Variants in TXNL4A observed in about 807,000 individuals in gnomAD.
TXNL4A encodes thioredoxin-like protein 4A.
TXNL4A carries 17 observed loss-of-function variants against 14.6 expected under a neutral mutation model. That is an observed-to-expected ratio of 1.16 (90% CI 0.80 to 1.74). The LOEUF is 1.74. TXNL4A is among the 40% of genes most tolerant of loss of function. The pLI is 0.00. For missense variants in TXNL4A, 74 were observed against 195.2 expected (o/e 0.38, Z 3.70); for synonymous variants, 83 against 70.6 (o/e 1.18, Z -0.88).
At chr18:79,988,572 A>T (rs898096655), upstream of TXNL4A, 9 of 554,458 alleles carry the variant, frequency 1.6e-5, no homozygotes, top group African/African-American at 4.0e-5. Context: ...CTGGGCGCGC[A>T]CGCACCGACG....
At chr18:79,973,983 C>A (rs544434970) in intron 2 of TXNL4A, 127 bp from the exon 3 acceptor site, 2 of 1,289,124 alleles carry the variant, frequency 1.6e-6, no homozygotes, top group Non-Finnish European at 2.1e-6. Context: ...CGCATAAAAT[C>A]GAGAGTGTAT....
chr18:80,017,133 G>A (rs1257335992), intron 1 of TXNL4A, among the ~76,000 whole-genome samples: 1 of 149,484 alleles, frequency 6.7e-6, no homozygotes, highest in Non-Finnish European at 1.5e-5. Flanking sequence ...AATTGTGAAT[G>A]GGAGTTCACT....
upstream of TXNL4A, among the ~76,000 whole-genome samples, chr18:79,993,058 G>A (rs1049036456): frequency 5.3e-5 from 8 of 151,910 alleles, no homozygotes; most frequent in African/African-American, 1.9e-4. The surrounding 1 kb of genome is among the most constrained non-coding windows in gnomAD (Gnocchi z 4.4). Context: ...TCCCAGGCAC[G>A]AGTCCTTATC....
At chr18:79,981,784 G>A (rs1372138812) in intron 1 of TXNL4A, among the ~76,000 whole-genome samples, 2 of 152,222 alleles carry the variant, frequency 1.3e-5, no homozygotes, top group African/African-American at 4.8e-5. Flanking sequence ...CTAACCCGGA[G>A]AATTCTAACA....
chr18:80,030,609 C>G (rs2051914515), intron 1 of TXNL4A: 1 of 152,202 alleles, frequency 6.6e-6, no homozygotes, highest in South Asian at 2.1e-4. Flanking sequence ...TATTACATCA[C>G]AGAAACAGTT....
intron 1 of TXNL4A, among the ~76,000 whole-genome samples, chr18:80,002,618 G>T (rs1245775167): frequency 6.6e-6 from 1 of 152,204 alleles, no homozygotes; most frequent in Non-Finnish European, 1.5e-5. Context: ...GAGGCTGGGT[G>T]TATGGCAGCT....
In TXNL4A at chr18:79,973,930, A is replaced by AT. The variant is rs555288210; in HGVS notation, c.258-75dup. The AT allele has an allele frequency of 2.6e-6, 4 of 1,567,564 alleles. No individual in the cohort carries two copies. The African/African-American group carries it at 5.4e-5, about 21-fold the overall frequency. The stretch of plus-strand genomic sequence containing the variant: ...AAGAATTCCTTGAAAACAATGCCGT[A>AT]TTTTTCCCACTGTGACAAGCTCTTG... On this transcript the variant is annotated intron_variant, in intron 2 of 2. Coordinates refer to ENST00000269601, the MANE Select transcript of TXNL4A (RefSeq NM_006701.5).
At chr18:79,978,709 G>C (rs1415450635) in intron 1 of TXNL4A, among the ~76,000 whole-genome samples, 44 of 152,240 alleles carry the variant, frequency 2.9e-4, no homozygotes. Context: ...GCCCAGGCTA[G>C]TCTTGAACTC....
chr18:79,977,576 T>C, intron 2 of TXNL4A, 22 bp downstream of exon 2: 1 of 1,517,798 alleles, frequency 6.6e-7, no homozygotes. Context: ...TCAATTTCAG[T>C]AACAACTTTA....
At chr18:80,008,977 C>T (rs2051751380) in intron 1 of TXNL4A, among the ~76,000 whole-genome samples, 2 of 151,820 alleles carry the variant, frequency 1.3e-5, no homozygotes, top group South Asian at 4.2e-4. Context: ...AAGGTGTCAC[C>T]ATATTGGCCA....
chr18:79,987,112 T>C (rs2051562642), intron 1 of TXNL4A, among the ~76,000 whole-genome samples: 1 of 152,196 alleles, frequency 6.6e-6, no homozygotes, highest in African/African-American at 2.4e-5. Flanking sequence ...CGCATCAGAA[T>C]TCCCTGAGGG....
chr18:80,033,157 T>C (rs1482241059), intron 1 of TXNL4A, among the ~76,000 whole-genome samples: 6 of 152,182 alleles, frequency 3.9e-5, no homozygotes, highest in African/African-American at 9.7e-5. Flanking sequence ...TTTTCTTCGA[T>C]TGACAATATA....
upstream of TXNL4A, among the ~76,000 whole-genome samples, chr18:79,989,015 CAG>C (rs1469358552): frequency 6.6e-6 from 1 of 152,238 alleles, no homozygotes; most frequent in Non-Finnish European, 1.5e-5. Flanking sequence ...CCAACCACAG[CAG>C]AGTCGAGCAG....
intron 1 of TXNL4A, among the ~76,000 whole-genome samples, chr18:79,985,505 G>A (rs769600955): frequency 6.6e-6 from 1 of 152,148 alleles, no homozygotes; most frequent in African/African-American, 2.4e-5. Flanking sequence ...CACCCACCTC[G>A]GCCTCCCAAA....
chr18:79,973,754 G>A lies in TXNL4A; in HGVS notation c.360C>T (p.Tyr120=). The A allele has an allele frequency of 6.2e-7, 1 of 1,614,182 alleles. No individual in the cohort carries two copies. Among genetic ancestry groups the A allele is most frequent in the Non-Finnish European group, 8.5e-7 (1 of 1,180,044 alleles). Residue 120 remains tyrosine (Y), a synonymous_variant, in exon 3 of 3, where the codon TAC becomes TAT. Transcript: ENST00000269601. ...QEMVDIIETV[Y]RGARKGRGLV... ...GGCCGCGGCCTTTGCGGGCCCCGCG[G>A]TACACCGTCTCGATGATGTCCACCA...
intron 1 of TXNL4A, among the ~76,000 whole-genome samples, chr18:80,017,236 TGCTTATCA>T (rs1344290849): frequency 6.6e-6 from 1 of 152,232 alleles, no homozygotes; most frequent in East Asian, 1.9e-4. Context: ...TTGCCAAAGT[TGCTTATCA>T]GCTTAAGGAG....
Position 79,971,952 on chromosome 18 carries a change from C to T in TXNL4A, c.*1733G>A, listed in dbSNP as rs72984289. The T allele has an allele frequency of 0.36, 54,051 of 152,102 alleles. 11,710 individuals are homozygous for T. The highest frequency in any genetic ancestry group is 0.49 in the Non-Finnish European group (33,193 of 67,990). The allele number at this position is 152,102 out of a possible 1,614,324, so 9.4% of individuals were successfully genotyped here. The stretch of plus-strand genomic sequence containing the variant: ...ACACGTTCTCCCTAGCCCCTCATTC[C>T]GATACGCTGTTGCACTCTCCTACTT... On this transcript the variant is annotated 3_prime_UTR_variant, in exon 3 of 3. Coordinates refer to ENST00000269601, the MANE Select transcript of TXNL4A (RefSeq NM_006701.5).
intron 2 of TXNL4A, among the ~76,000 whole-genome samples, chr18:79,974,468 C>G (rs1410781149): frequency 6.6e-6 from 1 of 152,082 alleles, no homozygotes; most frequent in Non-Finnish European, 1.5e-5. Context: ...GGATATTAAC[C>G]CTTTGTTGTA....
At chr18:80,004,339 G>C (rs967618522) in intron 1 of TXNL4A, among the ~76,000 whole-genome samples, 1 of 152,162 alleles carries the variant, frequency 6.6e-6, no homozygotes, top group African/African-American at 2.4e-5. Flanking sequence ...CTCAGTGCAT[G>C]AACTCAGGGA....
Sources: gnomAD v4.1 joint callset for allele counts (sites outside exome capture counted in the v4.1 genomes callset) on GRCh38, gnomAD v4.1.1 for gene constraint, Gnocchi (gnomAD v3.1) non-coding constraint, MANE v1.5 for transcripts, NCBI Gene and HGNC (gene_info 2026-07-23, HGNC 2026-07-21) for gene names.